FBXO11: variants seen among roughly 807,000 people sequenced by gnomAD.
The protein encoded by FBXO11 is F-box protein 11.
A neutral mutation model predicts 117.0 loss-of-function variants in FBXO11; 13 were observed. That is an observed-to-expected ratio of 0.11 (90% confidence interval 0.07 to 0.18). The LOEUF is 0.18. Among genes scored for constraint, FBXO11 ranks in the 10% least tolerant of loss-of-function variants. FBXO11 has a pLI of 1.00. For synonymous variants in FBXO11, 490 were observed against 380.5 expected (o/e 1.29, Z -3.35); for missense variants, 767 against 1,164.4 (o/e 0.66, Z 4.97).
Position 47,905,570 on chromosome 2 carries a change from GCT to G in FBXO11, c.149_150del (p.Gln50ProfsTer29). 4.8e-6 allele frequency: 6 copies of G among 1,256,632 alleles called. No homozygotes were observed. Among genetic ancestry groups the G allele is most frequent in the South Asian group, 3.3e-5 (1 of 30,088 alleles). The allele number at this position is 1,256,632 out of a possible 1,614,324, so 77.8% of individuals were successfully genotyped here. ...PPQQQPPPPP[Q>X]QQQQQQPPPP... Reference sequence around the variant, plus strand: ...GGCGGAGGCTGCTGCTGCTGCTGCTGCTGCGGCGGCGGCGGAGGCTGCTGCTG... The same window carrying G: ...GGCGGAGGCTGCTGCTGCTGCTGCTGGCGGCGGCGGCGGAGGCTGCTGCTG... On this transcript the variant is annotated frameshift_variant, in exon 1 of 23. Coordinates refer to ENST00000403359, the MANE Select transcript of FBXO11 (RefSeq NM_001190274.2). LOFTEE classifies it high-confidence loss of function.
At chr2:47,897,526 G>A (rs1390737315) in intron 1 of FBXO11, among the ~76,000 whole-genome samples, 2 of 151,884 alleles carry the variant, frequency 1.3e-5, no homozygotes, top group African/African-American at 2.4e-5. Flanking sequence ...GGGAAACCCC[G>A]TCTCTACTGA....
At chr2:47,874,867 C>CTTTTTTTTTTTTTTTTT (rs377037169) in intron 1 of FBXO11, among the ~76,000 whole-genome samples, 1 of 128,898 alleles carries the variant, frequency 7.8e-6, no homozygotes, top group Non-Finnish European at 1.6e-5. Flanking sequence ...TGTCTCAGGA[C>CTTTTTTTTTTTTTTTTT]TTTTTTTTTT....
chr2:47,812,309 AAAGAAT>A (rs756916221), intron 18 of FBXO11, among the ~76,000 whole-genome samples: 11 of 152,242 alleles, frequency 7.2e-5, no homozygotes, highest in Non-Finnish European at 1.2e-4. Context: ...ATCAGTATCT[AAAGAAT>A]AAAAGTGAAA....
intron 1 of FBXO11, among the ~76,000 whole-genome samples, chr2:47,884,448 T>A (rs1676663909): frequency 6.6e-6 from 1 of 152,256 alleles, no homozygotes; most frequent in Non-Finnish European, 1.5e-5. Flanking sequence ...CCCTTTCGGA[T>A]GTTTTTGATA....
chr2:47,813,499 T>G, intron 17 of FBXO11, 122 bp from the exon 18 acceptor site: 2 of 674,430 alleles, frequency 3.0e-6, no homozygotes, highest in Non-Finnish European at 2.2e-6. Flanking sequence ...TGGCGCGATC[T>G]TGGCTCACTG....
chr2:47,856,703 G>GTAAAAA (rs1674322437), intron 1 of FBXO11, among the ~76,000 whole-genome samples: 2 of 152,146 alleles, frequency 1.3e-5, no homozygotes, highest in Non-Finnish European at 2.9e-5. Flanking sequence ...ATATTCGTAA[G>GTAAAAA]GTGAACATTT....
At chr2:47,828,706 A>G (rs1310997579) in intron 11 of FBXO11, among the ~76,000 whole-genome samples, 1 of 152,172 alleles carries the variant, frequency 6.6e-6, no homozygotes, top group Non-Finnish European at 1.5e-5. Context: ...CATAGAAATA[A>G]ACTTCCACAA....
At chr2:47,860,843 ATT>A (rs34675496) in intron 1 of FBXO11, among the ~76,000 whole-genome samples, 8,306 of 104,152 alleles carry the variant, frequency 0.08, 307 homozygotes, top group Non-Finnish European at 0.11. Flanking sequence ...GTTTTCCCCT[ATT>A]TTTTTTTTTT....
At chr2:47,847,968 C>T (rs576898668) in intron 1 of FBXO11, among the ~76,000 whole-genome samples, 3 of 151,530 alleles carry the variant, frequency 2.0e-5, no homozygotes, top group African/African-American at 4.8e-5. Context: ...ACTAAAAATA[C>T]AAAAAATTAG....
At chr2:47,817,615 G>C (rs1671092568) in intron 16 of FBXO11, among the ~76,000 whole-genome samples, 1 of 152,168 alleles carries the variant, frequency 6.6e-6, no homozygotes, top group Non-Finnish European at 1.5e-5. Flanking sequence ...TTGATTTAAA[G>C]TGAGAGATAC....
rs182283944 is a variant in FBXO11, at chr2:47,818,715, C to T, written c.2006+64G>A. 1.8e-4 allele frequency: 205 copies of T among 1,140,974 alleles called. 2 individuals are homozygous for T. The East Asian group carries it at 3.2e-3, about 18-fold the overall frequency. 70.7% of individuals were successfully genotyped at this position (1,140,974 alleles called of 1,614,324 possible). A position where few individuals can be genotyped will look rare whatever the true frequency, so the allele number is the denominator to read the frequency against. ...TGGGCATTAAACAATAAGCAAATTT[C>T]TTTTACACACCCCACATACTCCTAA... On this transcript the variant is annotated intron_variant, in intron 16 of 22. Transcript: ENST00000403359.
intron 16 of FBXO11, among the ~76,000 whole-genome samples, chr2:47,815,782 G>C (rs1032160389): frequency 1.3e-5 from 2 of 152,196 alleles, no homozygotes; most frequent in African/African-American, 4.8e-5. Context: ...AGAAGTTCTG[G>C]AGTCTTCCCC....
At chr2:47,887,258 C>G (rs1572907257) in intron 1 of FBXO11, among the ~76,000 whole-genome samples, 1 of 145,294 alleles carries the variant, frequency 6.9e-6, no homozygotes, top group Admixed American at 7.0e-5. Context: ...GCACTCCAGC[C>G]TGGGCAACAA....
chr2:47,807,934 C>A lies in FBXO11; in HGVS notation c.*184G>T. 1.7e-6 allele frequency: 1 copy of A among 578,998 alleles called. No homozygotes were observed. 35.9% of individuals were successfully genotyped at this position (578,998 alleles called of 1,614,324 possible). On this transcript the variant is annotated 3_prime_UTR_variant, in exon 23 of 23. Transcript: ENST00000403359. ...ATGCTAAAACACCCAGCTTTGAGAT[C>A]CTGAGTCAATATATTGCCACTTTCT...
At chr2:47,835,203 T>C (rs1672459027) in intron 5 of FBXO11, among the ~76,000 whole-genome samples, 1 of 152,150 alleles carries the variant, frequency 6.6e-6, no homozygotes, top group African/African-American at 2.4e-5. Flanking sequence ...CTCCTCCCAT[T>C]GTGACAATCA....
chr2:47,896,713 A>C (rs1007617484), intron 1 of FBXO11, among the ~76,000 whole-genome samples: 1 of 152,224 alleles, frequency 6.6e-6, no homozygotes, highest in Non-Finnish European at 1.5e-5. Flanking sequence ...TCTCTTAAAA[A>C]TGCAAATGTC....
rs1678763198 is a variant in FBXO11 at position 47,905,766 on chromosome 2, A to C, written c.-46T>G. On this transcript the variant is annotated 5_prime_UTR_variant, in exon 1 of 23. Transcript: ENST00000403359. ...CGTTGGCGGAGGGACACACACACGC[A>C]CACGCACAGCGAGCTTCGGGGCAGG... 1 of 1,285,938 alleles carries C rather than the reference A, an allele frequency of 7.8e-7. No individual in the cohort carries two copies. Among genetic ancestry groups the C allele is most frequent in the African/African-American group, 1.6e-5 (1 of 62,116 alleles). 79.7% of individuals were successfully genotyped at this position (1,285,938 alleles called of 1,614,324 possible). A position where few individuals can be genotyped will look rare whatever the true frequency, so the allele number is the denominator to read the frequency against.
intron 16 of FBXO11, among the ~76,000 whole-genome samples, chr2:47,818,069 C>T (rs912832240): frequency 1.1e-4 from 16 of 152,140 alleles, no homozygotes; most frequent in African/African-American, 2.4e-4. Context: ...GAGCCGAGAT[C>T]GTGCCATTGC....
Position 47,807,926 on chromosome 2 carries a change from T to TAAAACACCCAATATA in FBXO11, c.*191_*192insTATATTGGGTGTTTT. 1.8e-6 allele frequency: 1 copy of TAAAACACCCAATATA among 556,272 alleles called. No individual in the cohort carries two copies. Among genetic ancestry groups the TAAAACACCCAATATA allele is most frequent in the South Asian group, 2.3e-5 (1 of 42,904 alleles). 34.5% of individuals were successfully genotyped at this position (556,272 alleles called of 1,614,324 possible). On this transcript the variant is annotated 3_prime_UTR_variant, in exon 23 of 23. Transcript: ENST00000403359. ...ACACAGTAATGCTAAAACACCCAGC[T>TAAAACACCCAATATA]TTGAGATCCTGAGTCAATATATTGC... is the stretch of plus-strand genomic sequence containing the variant.
Sources: allele counts gnomAD v4.1 joint callset (sites outside exome capture counted in the v4.1 genomes callset), GRCh38; gene constraint gnomAD v4.1.1; transcripts MANE v1.5; gene names NCBI Gene and HGNC (gene_info 2026-07-23, HGNC 2026-07-21).